The following ATF6 variants were observed in gnomAD, a reference collection of about 807,000 sequenced individuals.
ATF6 encodes the protein activating transcription factor 6, also known as cyclic AMP-dependent transcription factor ATF-6 alpha.
In ATF6, 53 loss-of-function variants were observed where a neutral mutation model predicts 83.6. The observed-to-expected ratio is 0.63, with a 90% CI of 0.51 to 0.80. The LOEUF is 0.80. Ranked by LOEUF, ATF6 falls within the 30% of genes least tolerant of loss-of-function variation. ATF6 has a pLI of 0.00. For synonymous variants in ATF6, 288 were observed against 285.8 expected (o/e 1.01, Z -0.08); for missense variants, 744 against 797.9 (o/e 0.93, Z 0.81).
intron 14 of ATF6, among the ~76,000 whole-genome samples, chr1:161,884,766 G>A (rs1400592874): frequency 6.6e-6 from 1 of 152,090 alleles, no homozygotes; most frequent in African/African-American, 2.4e-5. Flanking sequence ...TGGTTTAAGT[G>A]TTGAAAAGCA....
chr1:161,826,099 GA>G (rs1685889672), intron 9 of ATF6, among the ~76,000 whole-genome samples: 1 of 152,112 alleles, frequency 6.6e-6, no homozygotes, highest in African/African-American at 2.4e-5. Context: ...ATTCTTGAGG[GA>G]ACATAGAAGT....
chr1:161,819,268 A>G (rs1388725887), intron 7 of ATF6, among the ~76,000 whole-genome samples: 1 of 152,164 alleles, frequency 6.6e-6, no homozygotes, highest in Admixed American at 6.5e-5. Context: ...AATTGAATAT[A>G]TGGTTCTGGG....
chr1:161,892,606 C>A (rs1687580170), intron 14 of ATF6, among the ~76,000 whole-genome samples: 1 of 151,252 alleles, frequency 6.6e-6, no homozygotes, highest in Non-Finnish European at 1.5e-5. Context: ...TAGCATTTCC[C>A]TCTCAGGTTA....
chr1:161,874,644 G>A (rs1416406850), intron 14 of ATF6, among the ~76,000 whole-genome samples: 1 of 151,520 alleles, frequency 6.6e-6, no homozygotes, highest in South Asian at 2.1e-4. Context: ...GAGGGTCAGT[G>A]TCACATATTT....
At chr1:161,824,284 T>G (rs990290574) in intron 9 of ATF6, among the ~76,000 whole-genome samples, 2 of 151,896 alleles carry the variant, frequency 1.3e-5, no homozygotes, top group Non-Finnish European at 2.9e-5. Flanking sequence ...CCCTCAGAGA[T>G]TCTTTCTGTC....
intron 12 of ATF6, among the ~76,000 whole-genome samples, chr1:161,857,764 A>G (rs1487404133): frequency 6.6e-6 from 1 of 152,138 alleles, no homozygotes; most frequent in Non-Finnish European, 1.5e-5. Context: ...GCAATTTATT[A>G]TGGGGTTTAC....
At chr1:161,782,696 T>G (rs144673046) in intron 3 of ATF6, among the ~76,000 whole-genome samples, 80 of 152,358 alleles carry the variant, frequency 5.3e-4, no homozygotes, top group African/African-American at 1.8e-3. Flanking sequence ...ACCTCTGCAC[T>G]ACCTATTCCT....
At chr1:161,771,498 C>T (rs1228162501) in intron 1 of ATF6, among the ~76,000 whole-genome samples, 2 of 152,202 alleles carry the variant, frequency 1.3e-5, no homozygotes, top group African/African-American at 2.4e-5. Context: ...CATTGTCCTT[C>T]ACTGCTATTC....
chr1:161,864,395 C>G (rs1686948464), intron 14 of ATF6, among the ~76,000 whole-genome samples: 1 of 152,176 alleles, frequency 6.6e-6, no homozygotes, highest in African/African-American at 2.4e-5. Context: ...ACAGGCGGCT[C>G]TGTAACCAGT....
At chr1:161,803,458 G>A (rs1300067529) in intron 7 of ATF6, among the ~76,000 whole-genome samples, 1 of 152,178 alleles carries the variant, frequency 6.6e-6, no homozygotes, top group Non-Finnish European at 1.5e-5. Context: ...AGGCTTGACT[G>A]TTATGTTGGT....
At chr1:161,833,865 A>G (rs1304790514) in intron 9 of ATF6, among the ~76,000 whole-genome samples, 1 of 152,238 alleles carries the variant, frequency 6.6e-6, no homozygotes, top group African/African-American at 2.4e-5. Flanking sequence ...TCCCCAATCT[A>G]GCAAGGCAGG....
chr1:161,868,572 A>G (rs573426043), intron 14 of ATF6, among the ~76,000 whole-genome samples: 62 of 152,142 alleles, frequency 4.1e-4, no homozygotes, highest in African/African-American at 1.5e-3. Flanking sequence ...CTGAGTGCTT[A>G]CTGAACAGAA....
At chr1:161,790,589 C>T (rs1218974412) in intron 4 of ATF6, among the ~76,000 whole-genome samples, 1 of 151,972 alleles carries the variant, frequency 6.6e-6, no homozygotes, top group Non-Finnish European at 1.5e-5. Flanking sequence ...GTGGGTGGAC[C>T]ATATGAGGTC....
At chr1:161,921,319 C>T (rs542997483) in intron 15 of ATF6, among the ~76,000 whole-genome samples, 70 of 152,222 alleles carry the variant, frequency 4.6e-4, no homozygotes, top group African/African-American at 1.6e-3. Context: ...TAACTTTAAA[C>T]TATCAAACAT....
intron 15 of ATF6, among the ~76,000 whole-genome samples, chr1:161,938,098 T>C (rs993439809): frequency 1.4e-4 from 21 of 152,210 alleles, no homozygotes; most frequent in Admixed American, 3.3e-4. Context: ...CACAGAGTCC[T>C]CTTTGCTGTC....
chr1:161,833,414 T>G (rs1350196197), intron 9 of ATF6, among the ~76,000 whole-genome samples: 1 of 152,042 alleles, frequency 6.6e-6, no homozygotes, highest in African/African-American at 2.4e-5. Context: ...AGAATGACTT[T>G]GACGAGTTGA....
At chr1:161,956,113 G>A (rs1035323164) in intron 15 of ATF6, among the ~76,000 whole-genome samples, 8 of 152,128 alleles carry the variant, frequency 5.3e-5, no homozygotes, top group African/African-American at 1.2e-4. Flanking sequence ...TAACAGGCAC[G>A]TGGGCTCTAA....
chr1:161,811,180 A>G (rs139673984), intron 7 of ATF6, among the ~76,000 whole-genome samples: 3 of 152,364 alleles, frequency 2.0e-5, no homozygotes, highest in African/African-American at 7.2e-5. Flanking sequence ...ATACGAATAG[A>G]TAATTCACGA....
intron 7 of ATF6, among the ~76,000 whole-genome samples, chr1:161,813,735 A>G (rs1685532993): frequency 6.6e-6 from 1 of 152,012 alleles, no homozygotes; most frequent in African/African-American, 2.4e-5. Context: ...AGGTGACGTG[A>G]TTTATTTTTA....
Sources: gnomAD v4.1 joint callset for allele counts (sites outside exome capture counted in the v4.1 genomes callset) on GRCh38, gnomAD v4.1.1 for gene constraint, MANE v1.5 for transcripts, NCBI Gene and HGNC (gene_info 2026-07-23, HGNC 2026-07-21) for gene names.